Variants in SYT2 observed in about 807,000 individuals in gnomAD.
SYT2 encodes synaptotagmin-2.
Under a neutral mutation model 39.9 loss-of-function variants are expected in SYT2, and 15 were observed. The ratio of observed to expected loss-of-function variants is 0.38; its 90% CI spans 0.25 to 0.58. The LOEUF (loss-of-function observed/expected upper bound fraction) is 0.58. Ranked by LOEUF, SYT2 falls within the 20% of genes least tolerant of loss-of-function variation. SYT2 has a pLI of 0.70. For synonymous variants in SYT2, 181 were observed against 204.5 expected, an observed-to-expected ratio of 0.89 and a Z score of 0.98; for missense variants, 389 against 530.3, an observed-to-expected ratio of 0.73 and a Z score of 2.62.
At chr1:202,709,647 G>C (rs1295518975) in intron 1 of SYT2, among the ~76,000 whole-genome samples, 5 of 151,984 alleles carry the variant, frequency 3.3e-5, no homozygotes, top group African/African-American at 1.2e-4. Context: ...GAGAGGGGAG[G>C]GGCGCCTCCA....
intron 1 of SYT2, chr1:202,639,733 C>G (rs1208170960): frequency 2.0e-6 from 2 of 985,350 alleles, no homozygotes; most frequent in Non-Finnish European, 2.4e-6. Context: ...TGTGGCTGAG[C>G]TCTTCCTTTC....
intron 1 of SYT2, among the ~76,000 whole-genome samples, chr1:202,624,458 G>A (rs1200269267): frequency 6.6e-6 from 1 of 151,588 alleles, no homozygotes; most frequent in Admixed American, 6.6e-5. Flanking sequence ...ATGTGTTGTG[G>A]TCTGTTGTGT....
chr1:202,608,842 G>A (rs1273081643), intron 1 of SYT2, among the ~76,000 whole-genome samples: 2 of 152,202 alleles, frequency 1.3e-5, no homozygotes, highest in African/African-American at 4.8e-5. Context: ...CACCAGCAAT[G>A]TATGAGGGTT....
chr1:202,638,220 G>A (rs1303927408), intron 1 of SYT2, among the ~76,000 whole-genome samples: 5 of 152,232 alleles, frequency 3.3e-5, no homozygotes, highest in African/African-American at 4.8e-5. Flanking sequence ...ATTCCAGCTG[G>A]GGAAAGGCTG....
chr1:202,686,008 C>CAG (rs1485987708), intron 1 of SYT2, among the ~76,000 whole-genome samples: 11 of 152,242 alleles, frequency 7.2e-5, no homozygotes, highest in African/African-American at 2.6e-4. Context: ...GCACATCCAC[C>CAG]AGAGAGAGGG....
chr1:202,691,065 C>A (rs1174240073), intron 1 of SYT2, among the ~76,000 whole-genome samples: 3 of 152,182 alleles, frequency 2.0e-5, no homozygotes, highest in Admixed American at 6.5e-5. Flanking sequence ...TTCGTCCAGA[C>A]CCCTCCGCCC....
rs372264575 is a variant in SYT2 at position 202,709,196 on chromosome 1, T to A, written c.-18+1062A>T. The stretch of plus-strand genomic sequence containing the variant: ...CTTCCCTCCCCACTGCAGTGGCCCC[T>A]CCTGGGCCAGCACCTCTTCTGTCCT... On this transcript the variant is annotated intron_variant, in intron 1 of 8. Coordinates refer to ENST00000367268, the MANE Select transcript of SYT2 (RefSeq NM_177402.5). Among the ~76,000 whole-genome samples the A allele has an allele frequency of 1.4e-4, 22 of 152,218 alleles. 1 individual carries two copies. The highest frequency in any genetic ancestry group is 5.1e-4 in the African/African-American group (21 of 41,536).
chr1:202,707,751 C>T lies in SYT2; in HGVS notation c.-18+2507G>A, dbSNP rs2102182248. On this transcript the variant is annotated intron_variant, in intron 1 of 8. Transcript: ENST00000367268. ...CTGGCGGGGAAGAAAAAGGAGACCC[C>T]ATTGAGATATGATAATGTTCAGATG... Among the ~76,000 whole-genome samples the T allele has an allele frequency of 2.0e-5, 3 of 152,330 alleles. No individual in the cohort carries two copies. The South Asian group carries it at 6.2e-4, about 32-fold the overall frequency.
intron 1 of SYT2, among the ~76,000 whole-genome samples, chr1:202,666,685 T>C (rs1692486983): frequency 6.6e-6 from 1 of 152,132 alleles, no homozygotes; most frequent in African/African-American, 2.4e-5. Flanking sequence ...AATTCACTGT[T>C]TGAAAGACCT....
At chr1:202,625,211 ATGT>A (rs1179865137) in intron 1 of SYT2, among the ~76,000 whole-genome samples, 3 of 59,798 alleles carry the variant, frequency 5.0e-5, no homozygotes, top group African/African-American at 2.1e-4. Flanking sequence ...TGTGTGTGTG[ATGT>A]TTGTGGTGTG....
intron 1 of SYT2, among the ~76,000 whole-genome samples, chr1:202,609,907 T>A (rs1430174389): frequency 6.6e-6 from 1 of 152,230 alleles, no homozygotes; most frequent in Non-Finnish European, 1.5e-5. Flanking sequence ...CCCATTTGTC[T>A]ATTTTGGCTT....
chr1:202,677,325 G>C (rs1653401099), intron 1 of SYT2, among the ~76,000 whole-genome samples: 1 of 152,192 alleles, frequency 6.6e-6, no homozygotes, highest in South Asian at 2.1e-4. Flanking sequence ...GATGGATTTT[G>C]TTACTGCTTT....
At chr1:202,655,668 C>T (rs987378452) in intron 1 of SYT2, among the ~76,000 whole-genome samples, 2 of 152,154 alleles carry the variant, frequency 1.3e-5, no homozygotes, top group Admixed American at 6.5e-5. Flanking sequence ...AGGGGTTACA[C>T]GATCCTGCTT....
At chr1:202,669,631 C>T (rs974186938) in intron 1 of SYT2, among the ~76,000 whole-genome samples, 19 of 151,446 alleles carry the variant, frequency 1.3e-4, no homozygotes, top group Admixed American at 1.1e-3. Flanking sequence ...TAGTGGTGGA[C>T]GCCTGTGGTC....
At position 202,596,181 on chromosome 1, in the gene SYT2, T is replaced by G. The variant is rs1458952830; in HGVS notation, c.*576A>C. On this transcript the variant is annotated 3_prime_UTR_variant, in exon 9 of 9. Coordinates refer to ENST00000367268, the MANE Select transcript of SYT2 (RefSeq NM_177402.5). ...GCCTTCTTTTCCCACACAACTTTACTGTCCATGGCTCATTCCAGGAATGAA... is the reference window on the plus strand; with the variant it reads ...GCCTTCTTTTCCCACACAACTTTACGGTCCATGGCTCATTCCAGGAATGAA... The G allele has an allele frequency of 6.6e-6, 1 of 152,080 alleles. No homozygotes were observed. 9.4% of individuals were successfully genotyped at this position (152,080 alleles called of 1,614,324 possible). A position where few individuals can be genotyped will look rare whatever the true frequency, so the allele number is the denominator to read the frequency against.
chr1:202,637,404 G>A (rs1263430189), intron 1 of SYT2, among the ~76,000 whole-genome samples: 1 of 152,210 alleles, frequency 6.6e-6, no homozygotes, highest in Non-Finnish European at 1.5e-5. Flanking sequence ...ATGGACTAGG[G>A]GCACACGAGT....
chr1:202,682,303 G>A (rs960716345), intron 1 of SYT2, among the ~76,000 whole-genome samples: 11 of 152,184 alleles, frequency 7.2e-5, no homozygotes, highest in Admixed American at 6.5e-4. Context: ...CCCCTCCCCT[G>A]CCTGGCTCAA....
intron 1 of SYT2, among the ~76,000 whole-genome samples, chr1:202,611,783 G>A (rs562053205): frequency 2.0e-5 from 3 of 152,280 alleles, no homozygotes; most frequent in African/African-American, 7.2e-5. Context: ...CTAAACCTAA[G>A]GGCACTAAGA....
chr1:202,633,547 T>G (rs1558440511), intron 1 of SYT2, among the ~76,000 whole-genome samples: 1 of 152,138 alleles, frequency 6.6e-6, no homozygotes, highest in East Asian at 1.9e-4. Flanking sequence ...GGAGAAGTGT[T>G]GCTGAGCACA....
Sources: gnomAD v4.1 joint callset for allele counts (sites outside exome capture counted in the v4.1 genomes callset) on GRCh38, gnomAD v4.1.1 for gene constraint, MANE v1.5 for transcripts, NCBI Gene and HGNC (gene_info 2026-07-23, HGNC 2026-07-21) for gene names.